Variants in KIF7 observed in about 807,000 individuals in gnomAD.
KIF7 encodes kinesin-like protein KIF7.
A neutral mutation model predicts 135.7 loss-of-function variants in KIF7; 104 were observed. The ratio of observed to expected loss-of-function variants is 0.77; its 90% CI spans 0.65 to 0.90. The LOEUF is 0.90. KIF7 is among the 40% of genes least tolerant of loss of function. The pLI, the probability that KIF7 is intolerant of heterozygous loss-of-function variation, is 0.00. For missense variants in KIF7, 2,005 were observed against 1,839.1 expected (o/e 1.09, Z -1.65); for synonymous variants, 883 against 809.4 (o/e 1.09, Z -1.54).
upstream of KIF7, among the ~76,000 whole-genome samples, chr15:89,659,412 GGAAA>G (rs768768617): frequency 1.3e-4 from 17 of 125,940 alleles, no homozygotes; most frequent in Admixed American, 1.8e-4. Context: ...AAAAGAAGAA[GGAAA>G]GAAAGAAAGA....
intron 1 of KIF7, among the ~76,000 whole-genome samples, chr15:89,618,864 T>C (rs1963377762): frequency 6.6e-6 from 1 of 152,216 alleles, no homozygotes; most frequent in Admixed American, 6.5e-5. Flanking sequence ...GAGGCTGAGG[T>C]GAGAGGATCT....
chr15:89,619,155 T>C (rs1334266180), intron 1 of KIF7, among the ~76,000 whole-genome samples: 3 of 151,918 alleles, frequency 2.0e-5, no homozygotes, highest in Admixed American at 6.6e-5. Context: ...TATTTCTATA[T>C]AAATGCATGT....
Position 89,642,337 on chromosome 15 carries a change from G to A in KIF7, c.2260C>T (p.Gln754Ter). 1 of 1,610,564 alleles carries A rather than the reference G, an allele frequency of 6.2e-7. No individual in the cohort carries two copies. The change falls in exon 11 of 19, where the codon CAG becomes TAG. Residue 754 changes from glutamine to a stop codon, truncating the protein, a stop_gained. Coordinates refer to ENST00000394412, the MANE Select transcript of KIF7 (RefSeq NM_198525.3). LOFTEE classifies it high-confidence loss of function. ...CCTTCACTCAGCTCGGCCCGCACCT[G>A]CTCTGCCTCCTGCTCCAGCTCCCGG... Reference protein sequence around the residue: ...RIRELEQEAEQVRAELSEGQR... With the variant: ...RIRELEQEAE
chr15:89,637,394 G>T (rs1264698862), intron 11 of KIF7, among the ~76,000 whole-genome samples: 1 of 151,384 alleles, frequency 6.6e-6, no homozygotes, highest in Non-Finnish European at 1.5e-5. Flanking sequence ...TCCAGGAGCT[G>T]GTTTTTTGAA....
intron 17 of KIF7, 83 bp from the exon 18 acceptor site, chr15:89,629,205 CT>C: frequency 1.4e-5 from 1 of 73,298 alleles, no homozygotes; most frequent in South Asian, 9.7e-5. Context: ...GGGCTGTGGG[CT>C]GGGTGGGGGC....
downstream of KIF7, chr15:89,624,921 G>T (rs143738923): frequency 8.7e-6 from 14 of 1,613,916 alleles, no homozygotes; most frequent in East Asian, 2.9e-4. Flanking sequence ...GCCAGGCTTC[G>T]GCACAACTAG....
At chr15:89,644,401 A>G (rs986002200) in intron 10 of KIF7, among the ~76,000 whole-genome samples, 1 of 152,034 alleles carries the variant, frequency 6.6e-6, no homozygotes, top group South Asian at 2.1e-4. Flanking sequence ...AGTGCCGGGC[A>G]TGGTGGCTCA....
At chr15:89,627,592 G>A (rs976567219), downstream of KIF7, 1 of 155,768 alleles carries the variant, frequency 6.4e-6, no homozygotes. Flanking sequence ...ATCATCTCTA[G>A]TGACTGAGCA....
downstream of KIF7, chr15:89,623,508 A>G: frequency 9.2e-7 from 1 of 1,092,412 alleles, no homozygotes; most frequent in Non-Finnish European, 1.3e-6. Flanking sequence ...TTCCATCTTT[A>G]GATCATTCCT....
chr15:89,658,009 A>G (rs1964224354), upstream of KIF7, among the ~76,000 whole-genome samples: 2 of 152,268 alleles, frequency 1.3e-5, no homozygotes, highest in South Asian at 4.1e-4. Context: ...GATCTATGAC[A>G]GAGTAGAGAG....
intron 15 of KIF7, chr15:89,631,197 A>G (rs8032136): frequency 0.96 from 392,214 of 410,668 alleles, 189,048 homozygotes; most frequent in Non-Finnish European, 1. Flanking sequence ...TCCACACACG[A>G]AGCCGAGACG....
At position 89,642,338 on chromosome 15, in the gene KIF7, C is replaced by A; in HGVS notation, c.2259G>T (p.Glu753Asp). 2 of 1,610,600 alleles carry A rather than the reference C, an allele frequency of 1.2e-6. No homozygotes were observed. Among genetic ancestry groups the A allele is most frequent in the Middle Eastern group, 1.8e-4 (1 of 5,638 alleles). Residue 753 changes from glutamate to aspartate, a missense_variant, in exon 11 of 19, where the codon GAG becomes GAT. Glu to Asp is a conservative substitution (Grantham distance 45). Coordinates refer to ENST00000394412, the MANE Select transcript of KIF7 (RefSeq NM_198525.3). ...QRIRELEQEA[E>D]QVRAELSEGQ... ...CTTCACTCAGCTCGGCCCGCACCTG[C>A]TCTGCCTCCTGCTCCAGCTCCCGGA...
At chr15:89,624,476 C>T (rs1175566644), downstream of KIF7, 2 of 1,614,174 alleles carry the variant, frequency 1.2e-6, no homozygotes, top group Non-Finnish European at 1.7e-6. Flanking sequence ...AGAAAGACCT[C>T]TGATCCCAGA....
At chr15:89,635,870 T>C (rs950209006) in intron 11 of KIF7, among the ~76,000 whole-genome samples, 1 of 151,854 alleles carries the variant, frequency 6.6e-6, no homozygotes, top group African/African-American at 2.4e-5. Context: ...CCAAGACACA[T>C]AATTGTCAGA....
intron 11 of KIF7, among the ~76,000 whole-genome samples, chr15:89,635,542 G>A (rs950314576): frequency 6.6e-6 from 1 of 152,204 alleles, no homozygotes; most frequent in Admixed American, 6.5e-5. Flanking sequence ...AGAAGCCTCA[G>A]GAGCTGATGC....
downstream of KIF7, chr15:89,625,961 C>A: frequency 6.3e-7 from 1 of 1,590,216 alleles, no homozygotes; most frequent in Non-Finnish European, 8.5e-7. Flanking sequence ...CCAGCTGTGC[C>A]GTGCGGAGCT....
intron 10 of KIF7, among the ~76,000 whole-genome samples, chr15:89,643,306 C>G (rs890247534): frequency 2.6e-5 from 4 of 152,036 alleles, no homozygotes; most frequent in Non-Finnish European, 2.9e-5. Flanking sequence ...AACTATTTAC[C>G]CAGCTTTTAC....
intron 1 of KIF7, among the ~76,000 whole-genome samples, chr15:89,622,651 C>G (rs1963445532): frequency 6.6e-6 from 1 of 152,226 alleles, no homozygotes; most frequent in African/African-American, 2.4e-5. Context: ...GTCTCCTCCC[C>G]CAGGCAGGCA....
intron 12 of KIF7, 46 bp from the exon 13 acceptor site, chr15:89,633,312 C>G (rs1343365338): frequency 6.5e-7 from 1 of 1,538,152 alleles, no homozygotes; most frequent in South Asian, 1.2e-5. Context: ...GTGCCAGCAT[C>G]TTACCAGAGC....
Sources: allele counts gnomAD v4.1 joint callset (sites outside exome capture counted in the v4.1 genomes callset), GRCh38; gene constraint gnomAD v4.1.1; transcripts MANE v1.5; gene names NCBI Gene and HGNC (gene_info 2026-07-23, HGNC 2026-07-21).